EGF: variants seen among roughly 807,000 people sequenced by gnomAD.
EGF encodes epidermal growth factor, also known as pro-epidermal growth factor.
A neutral mutation model predicts 143.8 loss-of-function variants in EGF; 95 were observed. That is an observed-to-expected ratio of 0.66 (90% confidence interval 0.56 to 0.78). EGF has a LOEUF of 0.78. Among genes scored for constraint, EGF ranks in the 30% least tolerant of loss-of-function variants. The pLI, the probability that EGF is intolerant of heterozygous loss-of-function variation, is 0.00. For synonymous variants in EGF, 510 were observed against 510.5 expected (o/e 1.00, Z 0.01); for missense variants, 1,320 against 1,470.9 (o/e 0.90, Z 1.68).
intron 1 of EGF, among the ~76,000 whole-genome samples, chr4:109,913,681 T>C (rs551976237): frequency 6.6e-6 from 1 of 152,366 alleles, no homozygotes; most frequent in South Asian, 2.1e-4. Context: ...TGTACTTCTG[T>C]GTATAAGTGA....
In EGF at chr4:109,932,723, A is replaced by G. The variant is rs186018359; in HGVS notation, c.128-8223A>G. On this transcript the variant is annotated intron_variant, in intron 1 of 23. Coordinates refer to ENST00000265171, the MANE Select transcript of EGF (RefSeq NM_001963.6). ...ATAAAATATTTTATTGATCTCACCA[A>G]TATGTCAATGCATTAGGAAATTAAC... 1.6e-3 allele frequency among the ~76,000 whole-genome samples: 251 copies of G among 152,178 alleles called. 1 individual carries two copies. Among genetic ancestry groups the G allele is most frequent in the African/African-American group, 5.6e-3 (233 of 41,534 alleles).
At chr4:109,976,475 T>A (rs996069435) in intron 13 of EGF, among the ~76,000 whole-genome samples, 8 of 152,216 alleles carry the variant, frequency 5.3e-5, no homozygotes, top group Non-Finnish European at 1.2e-4. Context: ...AATGAAAATA[T>A]TAAAATTTTC....
At chr4:109,926,704 A>T (rs1013462266) in intron 1 of EGF, among the ~76,000 whole-genome samples, 3 of 152,174 alleles carry the variant, frequency 2.0e-5, no homozygotes, top group African/African-American at 7.2e-5. Flanking sequence ...AGTGTTTAAC[A>T]ATTTTTGGCT....
At chr4:109,973,014 G>T (rs1429212864) in intron 11 of EGF, among the ~76,000 whole-genome samples, 3 of 152,184 alleles carry the variant, frequency 2.0e-5, no homozygotes, top group Admixed American at 6.5e-5. Flanking sequence ...ATGAATTAAA[G>T]GTGGTTATAT....
chr4:109,933,574 C>G (rs1372905081), intron 1 of EGF, among the ~76,000 whole-genome samples: 1 of 151,922 alleles, frequency 6.6e-6, no homozygotes, highest in South Asian at 2.1e-4. Flanking sequence ...CCTCCACCAG[C>G]CCCCCACCTC....
At chr4:109,956,206 G>C (rs1247635340) in intron 5 of EGF, among the ~76,000 whole-genome samples, 3 of 152,144 alleles carry the variant, frequency 2.0e-5, no homozygotes, top group Non-Finnish European at 2.9e-5. Context: ...AGTTTATTTT[G>C]TGAATTAGGA....
chr4:109,953,190 C>T lies in EGF; in HGVS notation c.941-6122C>T, dbSNP rs533835637. On this transcript the variant is annotated intron_variant, in intron 5 of 23. Transcript: ENST00000265171. The stretch of plus-strand genomic sequence containing the variant: ...TTCCCCTTTGTACCACATTAAAAGG[C>T]ACATGGGGCTAGTTCTTATTCTTTT... Among the ~76,000 whole-genome samples, 4 of 152,326 alleles carry T rather than the reference C, an allele frequency of 2.6e-5. No homozygotes were observed. The South Asian group carries it at 6.2e-4, about 24-fold the overall frequency.
In EGF at chr4:109,932,379, A is replaced by AT. The variant is rs35647377; in HGVS notation, c.128-8550dup. Among the ~76,000 whole-genome samples the AT allele has an allele frequency of 8.5e-3, 962 of 113,434 alleles. 45 individuals carry two copies. The highest frequency in any genetic ancestry group is 0.028 in the African/African-American group (722 of 25,554). The allele number at this position is 113,434 out of a possible 152,430, so 74.4% of individuals were successfully genotyped here. On this transcript the variant is annotated intron_variant, in intron 1 of 23. Transcript: ENST00000265171. Reference sequence around the variant, plus strand: ...TTTAGTCATATATATATATATATAAATTTTTTTTTTTTTTTTTGAGACGGA... The same window carrying AT: ...TTTAGTCATATATATATATATATAAATTTTTTTTTTTTTTTTTTGAGACGGA...
chr4:109,976,982 G>A (rs1748599648), intron 13 of EGF, among the ~76,000 whole-genome samples: 1 of 152,188 alleles, frequency 6.6e-6, no homozygotes, highest in South Asian at 2.1e-4. Flanking sequence ...CTTAGGTAAA[G>A]TATAGGAGTT....
intron 1 of EGF, among the ~76,000 whole-genome samples, chr4:109,916,715 T>C (rs547567644): frequency 1.3e-5 from 2 of 151,436 alleles, no homozygotes; most frequent in South Asian, 2.1e-4. Context: ...TGGCATACAA[T>C]AAACACTCGA....
chr4:109,956,001 A>G (rs1744730075), intron 5 of EGF, among the ~76,000 whole-genome samples: 1 of 152,144 alleles, frequency 6.6e-6, no homozygotes, highest in Non-Finnish European at 1.5e-5. Context: ...AGAACAAAGC[A>G]TTTTCTACAC....
chr4:109,959,586 A>G, intron 6 of EGF, 149 bp downstream of exon 6: 1 of 1,090,048 alleles, frequency 9.2e-7, no homozygotes, highest in Non-Finnish European at 1.4e-6. Flanking sequence ...CCCCCACACA[A>G]CCCCTGAAGA....
Position 109,969,505 on chromosome 4 carries a change from T to C in EGF, c.1724+386T>C, listed in dbSNP as rs531907719. On this transcript the variant is annotated intron_variant, in intron 11 of 23. Coordinates refer to ENST00000265171, the MANE Select transcript of EGF (RefSeq NM_001963.6). Reference sequence around the variant, plus strand: ...CTTTAGGAGAAATACCTAATGTAGATGACGGGTTGATGGGTGTAGCAAACC... The same window carrying C: ...CTTTAGGAGAAATACCTAATGTAGACGACGGGTTGATGGGTGTAGCAAACC... Among the ~76,000 whole-genome samples the C allele has an allele frequency of 2.0e-5, 3 of 152,210 alleles. No individual in the cohort carries two copies. In the East Asian group the frequency reaches 5.8e-4, roughly 29 times the overall value.
intron 1 of EGF, among the ~76,000 whole-genome samples, chr4:109,937,773 G>C (rs988793525): frequency 6.6e-6 from 1 of 152,064 alleles, no homozygotes; most frequent in African/African-American, 2.4e-5. Flanking sequence ...CACTTATGAA[G>C]CTTAGTTTGT....
chr4:109,924,425 T>G lies in EGF; in HGVS notation c.127+10963T>G, dbSNP rs1353481880. 2.6e-5 allele frequency among the ~76,000 whole-genome samples: 4 copies of G among 151,840 alleles called. 1 individual carries two copies. The highest frequency in any genetic ancestry group is 4.4e-5 in the Non-Finnish European group (3 of 68,038). ...AAAGCACTTTGAAAGTAGGATTGAA[T>G]AAATGAAATTTCCTTTTATATAAAT... On this transcript the variant is annotated intron_variant, in intron 1 of 23. Transcript: ENST00000265171.
Position 110,011,432 on chromosome 4 carries a change from C to T in EGF, c.3601C>T (p.His1201Tyr). Residue 1201 changes from histidine to tyrosine, a missense_variant, in exon 24 of 24, where the codon CAC becomes TAC. By Grantham distance (83) the His-to-Tyr change is moderately conservative. This residue lies in a region of EGF where 1,186 missense variants were observed against 1,313.7 expected (regional missense o/e 0.90). Coordinates refer to ENST00000265171, the MANE Select transcript of EGF (RefSeq NM_001963.6). The part of the protein sequence containing the change: ...LWQQRALDPP[H>Y]QMELTQ ...GCAACAAAGGGCCCTGGACCCACCA[C>T]ACCAAATGGAGCTGACTCAGTGAAA... 1 of 1,614,198 alleles carries T rather than the reference C, an allele frequency of 6.2e-7. No individual in the cohort carries two copies. Among genetic ancestry groups the T allele is most frequent in the Non-Finnish European group, 8.5e-7 (1 of 1,180,022 alleles).
intron 1 of EGF, among the ~76,000 whole-genome samples, chr4:109,937,651 C>T (rs112076006): frequency 1.2e-4 from 19 of 152,246 alleles, no homozygotes; most frequent in African/African-American, 2.9e-4. Context: ...TGGCTGGTAC[C>T]GGTTCTTCCT....
chr4:109,999,791 G>T lies in EGF; in HGVS notation c.3118G>T (p.Val1040Leu). The change falls in exon 21 of 24, where the codon GTG becomes TTG. Residue 1040 changes from valine to leucine, a missense_variant. Physicochemically the swap from Val to Leu is conservative, Grantham distance 32 (BLOSUM62 1). This residue lies in a region of EGF where 1,186 missense variants were observed against 1,313.7 expected (regional missense o/e 0.90). Transcript: ENST00000265171. ...GAAGGTCATCGTGGTGGCTGTCTGC[G>T]TGGTGGTGCTTGTCATGCTGCTCCT... is the stretch of plus-strand genomic sequence containing the variant. The part of the protein sequence containing the change: ...QQKVIVVAVC[V>L]VVLVMLLLLS... 1 of 1,614,030 alleles carries T rather than the reference G, an allele frequency of 6.2e-7. No homozygotes were observed. Among genetic ancestry groups the T allele is most frequent in the African/African-American group, 1.3e-5 (1 of 75,026 alleles).
At chr4:109,944,141 T>G (rs1237513232) in intron 4 of EGF, 72 bp downstream of exon 4, 20 of 1,483,742 alleles carry the variant, frequency 1.3e-5, no homozygotes, top group Non-Finnish European at 1.9e-5. Flanking sequence ...ATTTTACTTT[T>G]GTCAATGGAA....
Sources: gnomAD v4.1 joint callset for allele counts (sites outside exome capture counted in the v4.1 genomes callset) on GRCh38, gnomAD v4.1.1 for gene constraint, gnomAD v4.1.1 regional missense constraint, MANE v1.5 for transcripts, NCBI Gene and HGNC (gene_info 2026-07-23, HGNC 2026-07-21) for gene names.